DAPK1: variants seen among roughly 807,000 people sequenced by gnomAD.
The protein encoded by DAPK1 is death associated protein kinase 1, also known as death-associated protein kinase 1.
DAPK1 carries 56 observed loss-of-function variants against 144.9 expected under a neutral mutation model. The observed-to-expected ratio is 0.39, with a 90% CI of 0.31 to 0.48. The LOEUF (loss-of-function observed/expected upper bound fraction) is 0.48, where lower values mean the gene tolerates loss of function less well. Ranked by LOEUF, DAPK1 falls within the 20% of genes least tolerant of loss-of-function variation. The probability of loss-of-function intolerance (pLI) is 0.95; values close to 1 mark genes in which losing one functional copy is unlikely to be tolerated. For synonymous variants in DAPK1, 690 were observed against 749.0 expected (o/e 0.92, Z 1.29); for missense variants, 1,454 against 1,875.4 (o/e 0.78, Z 4.15).
Position 87,697,198 on chromosome 9 carries a change from C to T in DAPK1, c.2605C>T (p.Pro869Ser). 6.7e-7 allele frequency: 1 copy of T among 1,497,482 alleles called. No individual in the cohort carries two copies. Among genetic ancestry groups the T allele is most frequent in the Non-Finnish European group, 9.3e-7 (1 of 1,073,568 alleles). 92.8% of individuals were successfully genotyped at this position (1,497,482 alleles called of 1,614,324 possible). The change falls in exon 22 of 26, where the codon CCC becomes TCC. Residue 869 changes from proline to serine, a missense_variant. This residue lies in a region of DAPK1 where 1,025 missense variants were observed against 1,237.9 expected (regional missense o/e 0.83). Transcript: ENST00000408954. ...FLKSLVPVEE[P>S]IAFGGKLKNP... ...GAAGTCCCTTGTCCCAGTTGAAGAA[C>T]CCATAGGTGAGCTAAGTCCCTGCAG...
chr9:87,504,697 C>G (rs1335721148), intron 2 of DAPK1, among the ~76,000 whole-genome samples: 1 of 152,164 alleles, frequency 6.6e-6, no homozygotes, highest in Non-Finnish European at 1.5e-5. Flanking sequence ...CGGATTAGTT[C>G]CAGGACCTCT....
chr9:87,648,496 AAAG>A (rs1482777426), intron 14 of DAPK1: 9 of 372,600 alleles, frequency 2.4e-5, no homozygotes, highest in Non-Finnish European at 4.4e-5. Flanking sequence ...ATCAGCACAT[AAAG>A]AAGACTGAGA....
At chr9:87,615,806 C>T (rs1587772264) in intron 3 of DAPK1, among the ~76,000 whole-genome samples, 1 of 152,366 alleles carries the variant, frequency 6.6e-6, no homozygotes, top group South Asian at 2.1e-4. Flanking sequence ...GAACGCTGTG[C>T]CCCCTCTGTC....
At chr9:87,603,267 C>T (rs905501894) in intron 2 of DAPK1, among the ~76,000 whole-genome samples, 3 of 152,174 alleles carry the variant, frequency 2.0e-5, no homozygotes, top group Admixed American at 6.5e-5. Flanking sequence ...ACCCTCCGCC[C>T]CACAATAGAG....
chr9:87,513,459 G>C (rs915387155), intron 2 of DAPK1, among the ~76,000 whole-genome samples: 1 of 152,214 alleles, frequency 6.6e-6, no homozygotes, highest in Non-Finnish European at 1.5e-5. Flanking sequence ...GCAGGTGGGT[G>C]CAAGTGTGGG....
At chr9:87,634,729 G>A (rs1323976380) in intron 3 of DAPK1, among the ~76,000 whole-genome samples, 1 of 152,144 alleles carries the variant, frequency 6.6e-6, no homozygotes, top group Non-Finnish European at 1.5e-5. Context: ...GTCAATCCCA[G>A]CTCACCCAGG....
chr9:87,556,111 C>G (rs567770285), intron 2 of DAPK1, among the ~76,000 whole-genome samples: 6 of 152,084 alleles, frequency 3.9e-5, no homozygotes, highest in African/African-American at 1.4e-4. Flanking sequence ...TCTCCGTCAC[C>G]GAAACTCATC....
intron 19 of DAPK1, among the ~76,000 whole-genome samples, chr9:87,680,227 C>T (rs1824555010): frequency 6.6e-6 from 1 of 152,164 alleles, no homozygotes; most frequent in South Asian, 2.1e-4. Context: ...GCCTCAGCCT[C>T]CCGAGTAGCT....
intron 2 of DAPK1, among the ~76,000 whole-genome samples, chr9:87,602,438 A>G (rs552513861): frequency 6.6e-6 from 1 of 152,294 alleles, no homozygotes; most frequent in Admixed American, 6.5e-5. Context: ...ATGAGCACAC[A>G]TGACATTCAG....
intron 2 of DAPK1, among the ~76,000 whole-genome samples, chr9:87,575,314 G>A (rs1334586755): frequency 1.3e-5 from 2 of 152,032 alleles, no homozygotes; most frequent in Non-Finnish European, 2.9e-5. Context: ...CCGTTATCTC[G>A]TGCTGGCCTC....
chr9:87,693,020 C>CTTTTTTTT (rs1554705928), intron 21 of DAPK1, among the ~76,000 whole-genome samples: 1 of 61,194 alleles, frequency 1.6e-5, no homozygotes, highest in Non-Finnish European at 3.3e-5. Context: ...TTGTCTTTGA[C>CTTTTTTTT]TTTTGACAAT....
chr9:87,559,426 T>A (rs1861831), intron 2 of DAPK1, among the ~76,000 whole-genome samples: 5 of 151,928 alleles, frequency 3.3e-5, no homozygotes, highest in African/African-American at 1.2e-4. Context: ...TGTGGTAACA[T>A]CTAGCCACAT....
At chr9:87,687,536 G>A (rs529840348) in intron 21 of DAPK1, among the ~76,000 whole-genome samples, 1 of 152,098 alleles carries the variant, frequency 6.6e-6, no homozygotes, top group South Asian at 2.1e-4. Flanking sequence ...TTATTCATTT[G>A]TTCCTTGATG....
intron 18 of DAPK1, among the ~76,000 whole-genome samples, chr9:87,663,066 C>T (rs369798767): frequency 2.6e-5 from 4 of 151,978 alleles, no homozygotes; most frequent in Admixed American, 1.3e-4. Context: ...TGACCACCAG[C>T]GCCCCCTGCT....
intron 19 of DAPK1, among the ~76,000 whole-genome samples, chr9:87,671,893 C>G (rs1376632487): frequency 2.0e-5 from 3 of 152,144 alleles, no homozygotes; most frequent in Admixed American, 1.3e-4. Flanking sequence ...CCCCCCTCAT[C>G]TTTATGTAGA....
chr9:87,543,009 T>C (rs1826110362), intron 2 of DAPK1, among the ~76,000 whole-genome samples: 1 of 152,218 alleles, frequency 6.6e-6, no homozygotes, highest in Non-Finnish European at 1.5e-5. Context: ...GAAAACAAAT[T>C]TTTATTGCTT....
Position 87,507,600 on chromosome 9 carries a change from A to G in DAPK1, c.62+8461A>G, listed in dbSNP as rs546175089. On this transcript the variant is annotated intron_variant, in intron 2 of 25. Transcript: ENST00000408954. ...AACCTAACATATAATTAGAGATGCC[A>G]GAGTGGTGGGGAGGGGAGGGAAGGA... 3.3e-5 allele frequency among the ~76,000 whole-genome samples: 5 copies of G among 152,178 alleles called. No homozygotes were observed. The South Asian group carries it at 1.0e-3, about 32-fold the overall frequency.
intron 2 of DAPK1, among the ~76,000 whole-genome samples, chr9:87,501,529 A>G (rs1193616445): frequency 1.3e-5 from 2 of 152,016 alleles, no homozygotes; most frequent in East Asian, 3.9e-4. Context: ...TGGGTGATAC[A>G]GCGAGACTCT....
chr9:87,697,947 T>C (rs563581052), intron 22 of DAPK1, among the ~76,000 whole-genome samples: 30 of 152,146 alleles, frequency 2.0e-4, no homozygotes, highest in African/African-American at 7.0e-4. Flanking sequence ...AGTGAGACCC[T>C]GTCTCAAAAA....
Sources: allele counts gnomAD v4.1 joint callset (sites outside exome capture counted in the v4.1 genomes callset), GRCh38; gene constraint gnomAD v4.1.1; regional missense constraint gnomAD v4.1.1; transcripts MANE v1.5; gene names NCBI Gene and HGNC (gene_info 2026-07-23, HGNC 2026-07-21).